QRICH1: variants seen among roughly 807,000 people sequenced by gnomAD.
The protein encoded by QRICH1 is glutamine rich 1.
Under a neutral mutation model 87.1 loss-of-function variants are expected in QRICH1, and 16 were observed. The observed-to-expected ratio is 0.18, with a 90% CI of 0.12 to 0.28. The LOEUF (loss-of-function observed/expected upper bound fraction) is 0.28, where lower values mean the gene tolerates loss of function less well. QRICH1 is among the 10% of genes least tolerant of loss of function. QRICH1 has a pLI of 1.00. For synonymous variants in QRICH1, 367 were observed against 368.4 expected, an observed-to-expected ratio of 1.00 and a Z score of 0.05; for missense variants, 647 against 951.7, an observed-to-expected ratio of 0.68 and a Z score of 4.21.
intron 3 of QRICH1, among the ~76,000 whole-genome samples, chr3:49,053,527 T>C (rs986818492): frequency 3.4e-5 from 5 of 149,088 alleles, no homozygotes; most frequent in Admixed American, 1.3e-4. Flanking sequence ...AATGGGCTGC[T>C]GTGTTGTATG....
intron 5 of QRICH1, 69 bp from the exon 6 acceptor site, chr3:49,044,573 T>C (rs766963511): frequency 2.6e-6 from 3 of 1,172,774 alleles, no homozygotes; most frequent in Non-Finnish European, 3.7e-6. Context: ...GAAATAAATA[T>C]ATTTTTCTAC....
At chr3:49,064,148 C>T (rs1032256143) in intron 2 of QRICH1, among the ~76,000 whole-genome samples, 2 of 151,510 alleles carry the variant, frequency 1.3e-5, no homozygotes, top group Non-Finnish European at 2.9e-5. Flanking sequence ...TCAGGCTGGT[C>T]TCAAACTCCC....
intron 3 of QRICH1, among the ~76,000 whole-genome samples, chr3:49,053,304 T>C (rs1175432168): frequency 2.0e-5 from 3 of 151,920 alleles, no homozygotes; most frequent in East Asian, 1.9e-4. Context: ...CTGACTAACA[T>C]GGTGAAACCT....
intron 3 of QRICH1, among the ~76,000 whole-genome samples, chr3:49,048,498 A>AAC (rs2093351604): frequency 1.4e-5 from 2 of 146,334 alleles, no homozygotes. Flanking sequence ...AAAAAAAAAA[A>AAC]CCCACCCTGG....
At chr3:49,039,311 C>A (rs896054621) in intron 6 of QRICH1, among the ~76,000 whole-genome samples, 3 of 151,986 alleles carry the variant, frequency 2.0e-5, no homozygotes, top group African/African-American at 7.2e-5. Context: ...GAACCGAGAT[C>A]GTGTCATTGC....
intron 1 of QRICH1, chr3:49,093,129 C>A (rs1303788967): frequency 6.6e-6 from 1 of 152,196 alleles, no homozygotes; most frequent in Non-Finnish European, 1.5e-5. Flanking sequence ...CTAATATTAA[C>A]CTTCCCTGCC....
chr3:49,049,712 G>A (rs902648881), intron 3 of QRICH1, among the ~76,000 whole-genome samples: 1 of 151,454 alleles, frequency 6.6e-6, no homozygotes, highest in Non-Finnish European at 1.5e-5. Flanking sequence ...TGGCCAGGCT[G>A]GTCTCAAACT....
chr3:49,050,248 CAAAAAAAA>C (rs527597101), intron 3 of QRICH1, among the ~76,000 whole-genome samples: 6 of 52,412 alleles, frequency 1.1e-4, no homozygotes, highest in African/African-American at 3.9e-4. Context: ...GACTCCGTCT[CAAAAAAAA>C]AAAAAAAAAA....
chr3:49,069,415 T>C (rs1392611997), intron 2 of QRICH1, among the ~76,000 whole-genome samples: 1 of 151,920 alleles, frequency 6.6e-6, no homozygotes, highest in African/African-American at 2.4e-5. Flanking sequence ...AATTATTTTT[T>C]ACAGAAAAAA....
At chr3:49,082,075 G>A (rs2042074235) in intron 1 of QRICH1, among the ~76,000 whole-genome samples, 1 of 152,186 alleles carries the variant, frequency 6.6e-6, no homozygotes, top group South Asian at 2.1e-4. Context: ...CAAAGTGCTG[G>A]AATTACAAGG....
At chr3:49,070,907 T>C (rs774853587) in intron 2 of QRICH1, among the ~76,000 whole-genome samples, 3 of 152,154 alleles carry the variant, frequency 2.0e-5, no homozygotes, top group African/African-American at 4.8e-5. Context: ...TCTCGGTCAG[T>C]GGCTTTTCTT....
chr3:49,033,005 G>T, intron 7 of QRICH1, 115 bp downstream of exon 7: 1 of 984,314 alleles, frequency 1.0e-6, no homozygotes, highest in Non-Finnish European at 1.5e-6. Flanking sequence ...TGGGGTTAGG[G>T]CTTTCAGTAG....
chr3:49,075,146 A>G (rs2041925701), intron 2 of QRICH1, among the ~76,000 whole-genome samples: 1 of 150,678 alleles, frequency 6.6e-6, no homozygotes, highest in Non-Finnish European at 1.5e-5. Context: ...ACATAGGGAG[A>G]CTATATCTCT....
chr3:49,034,397 G>A (rs1312351659), intron 6 of QRICH1, among the ~76,000 whole-genome samples: 2 of 150,018 alleles, frequency 1.3e-5, no homozygotes, highest in African/African-American at 2.5e-5. Flanking sequence ...AGCCGTGATC[G>A]CACCACTGTA....
intron 3 of QRICH1, among the ~76,000 whole-genome samples, chr3:49,054,404 T>C (rs993662913): frequency 6.6e-6 from 1 of 152,158 alleles, no homozygotes; most frequent in Non-Finnish European, 1.5e-5. Context: ...TTACCACAAA[T>C]CTAGGAAATT....
intron 2 of QRICH1, among the ~76,000 whole-genome samples, chr3:49,072,228 AGCCAAAATAAT>A (rs2041847519): frequency 6.6e-6 from 1 of 152,168 alleles, no homozygotes; most frequent in Admixed American, 6.6e-5. Flanking sequence ...GGTTGCAGTG[AGCCAAAATAAT>A]GCCACTGCAC....
intron 6 of QRICH1, among the ~76,000 whole-genome samples, chr3:49,038,149 C>T (rs1186018483): frequency 6.6e-6 from 1 of 151,676 alleles, no homozygotes; most frequent in Non-Finnish European, 1.5e-5. Flanking sequence ...GCAAGCTCAG[C>T]TCCCGGGTTC....
In QRICH1 at chr3:49,029,927, G is replaced by T. The variant is rs1390211282; in HGVS notation, c.*525C>A. 1 of 172,848 alleles carries T rather than the reference G, an allele frequency of 5.8e-6. No homozygotes were observed. The highest frequency in any genetic ancestry group is 1.2e-5 in the Non-Finnish European group (1 of 80,764). 10.7% of individuals were successfully genotyped at this position (172,848 alleles called of 1,614,324 possible). The stretch of plus-strand genomic sequence containing the variant: ...CTAAAATGTCACTTGTCATAAAGGA[G>T]GGTGTAATAGAAATTGTCTTTAATA... On this transcript the variant is annotated 3_prime_UTR_variant, in exon 10 of 10. Transcript: ENST00000395443.
chr3:49,085,180 T>C (rs1284154194), intron 1 of QRICH1, among the ~76,000 whole-genome samples: 1 of 152,080 alleles, frequency 6.6e-6, no homozygotes, highest in Admixed American at 6.6e-5. Flanking sequence ...ACAGTGGCTA[T>C]AGTGTAGTAA....
Sources: gnomAD v4.1 joint callset for allele counts (sites outside exome capture counted in the v4.1 genomes callset) on GRCh38, gnomAD v4.1.1 for gene constraint, MANE v1.5 for transcripts, NCBI Gene and HGNC (gene_info 2026-07-23, HGNC 2026-07-21) for gene names.